Variants in TPO observed in about 807,000 individuals in gnomAD.
TPO encodes thyroid peroxidase.
TPO carries 78 observed loss-of-function variants against 96.9 expected under a neutral mutation model. That is an observed-to-expected ratio of 0.81 (90% CI 0.67 to 0.97). The LOEUF is 0.97. Ranked by LOEUF, TPO falls within the 50% of genes least tolerant of loss-of-function variation. The pLI, the probability that TPO is intolerant of heterozygous loss-of-function variation, is 0.00. For missense variants in TPO, 1,252 were observed against 1,274.8 expected, an observed-to-expected ratio of 0.98 and a Z score of 0.27; for synonymous variants, 547 against 538.0, an observed-to-expected ratio of 1.02 and a Z score of -0.23.
intron 1 of TPO, among the ~76,000 whole-genome samples, chr2:1,377,731 G>A (rs1189253661): frequency 1.3e-5 from 2 of 152,186 alleles, no homozygotes; most frequent in Non-Finnish European, 2.9e-5. Context: ...ATGCAGGCCA[G>A]CGGCTGGCAG....
intron 3 of TPO, among the ~76,000 whole-genome samples, chr2:1,427,905 C>T (rs1033565027): frequency 5.3e-5 from 8 of 152,198 alleles, no homozygotes; most frequent in East Asian, 1.9e-4. Flanking sequence ...TTACTGTTCA[C>T]GGTGAAACAC....
intron 13 of TPO, among the ~76,000 whole-genome samples, chr2:1,502,307 T>C (rs867958335): frequency 1.3e-5 from 2 of 152,144 alleles, no homozygotes; most frequent in African/African-American, 2.4e-5. Context: ...TGAAACACTT[T>C]AATAGCTGCT....
At chr2:1,488,692 T>C (rs1324375134) in intron 10 of TPO, among the ~76,000 whole-genome samples, 1 of 152,194 alleles carries the variant, frequency 6.6e-6, no homozygotes, top group Non-Finnish European at 1.5e-5. Context: ...TCTCTCCACG[T>C]ACCCTGGGAG....
chr2:1,499,106 A>G (rs562144203), intron 13 of TPO, among the ~76,000 whole-genome samples: 2 of 152,304 alleles, frequency 1.3e-5, no homozygotes, highest in East Asian at 1.9e-4. Context: ...ACTCACAGGC[A>G]TCTTCAAGGT....
Position 1,438,815 on chromosome 2 carries a change from G to C in TPO, c.482+2431G>C, listed in dbSNP as rs760312961. The C allele has an allele frequency of 1.1e-4, 74 of 698,852 alleles. 1 individual carries two copies. The African/African-American group carries it at 1.2e-3, about 11-fold the overall frequency. The allele number at this position is 698,852 out of a possible 1,614,324, so 43.3% of individuals were successfully genotyped here. On this transcript the variant is annotated intron_variant, in intron 5 of 16. Transcript: ENST00000329066. ...TTTTTTTGCAAATGCCTGGATTAAAGAAAAATGAAATATAAGCCCGACCAT... is the reference window on the plus strand; with the variant it reads ...TTTTTTTGCAAATGCCTGGATTAAACAAAAATGAAATATAAGCCCGACCAT...
At chr2:1,450,993 A>C (rs1667257930) in intron 5 of TPO, among the ~76,000 whole-genome samples, 1 of 152,220 alleles carries the variant, frequency 6.6e-6, no homozygotes. Flanking sequence ...TTAATGAAGT[A>C]TTAATAACAG....
At chr2:1,395,969 T>TC (rs1185980410) in intron 1 of TPO, among the ~76,000 whole-genome samples, 1 of 152,234 alleles carries the variant, frequency 6.6e-6, no homozygotes, top group Non-Finnish European at 1.5e-5. Context: ...TTACCCAGTC[T>TC]GGGATATGTC....
chr2:1,476,227 C>T lies in TPO; in HGVS notation c.820-859C>T, dbSNP rs146997084. Among the ~76,000 whole-genome samples the T allele has an allele frequency of 1.6e-3, 239 of 152,286 alleles. 1 individual carries two copies. Among genetic ancestry groups the T allele is most frequent in the Non-Finnish European group, 2.6e-3 (179 of 68,022 alleles). ...GTCTCTTTCGGAATCTGTCCAACCC[C>T]GGTGATCTTGTGATTCTGGATGAGC... On this transcript the variant is annotated intron_variant, in intron 7 of 16. Transcript: ENST00000329066.
At chr2:1,440,183 C>A (rs529454278) in intron 5 of TPO, among the ~76,000 whole-genome samples, 2 of 148,714 alleles carry the variant, frequency 1.3e-5, no homozygotes, top group African/African-American at 2.6e-5. Context: ...GCGTTTCCAC[C>A]GTGCTGCATT....
Position 1,524,605 on chromosome 2 carries a change from C to T in TPO, c.2618+7623C>T, listed in dbSNP as rs75975339. Among the ~76,000 whole-genome samples, 51 of 101,582 alleles carry T rather than the reference C, an allele frequency of 5.0e-4. 3 individuals are homozygous for T. Among genetic ancestry groups the T allele is most frequent in the East Asian group, 3.5e-3 (13 of 3,666 alleles). 66.6% of individuals were successfully genotyped at this position (101,582 alleles called of 152,430 possible). ...CTACTGTGTGTAACCTCCTCAAATC[C>T]GCTCACTGTGTGCAACCTCCTCAAA... On this transcript the variant is annotated intron_variant, in intron 15 of 16. Transcript: ENST00000329066.
intron 14 of TPO, among the ~76,000 whole-genome samples, chr2:1,507,838 A>G (rs1673643303): frequency 6.6e-6 from 1 of 152,142 alleles, no homozygotes; most frequent in Non-Finnish European, 1.5e-5. Context: ...AAACAGGGAC[A>G]ATTTGACTTC....
intron 7 of TPO, among the ~76,000 whole-genome samples, chr2:1,469,697 C>T (rs183710548): frequency 2.4e-4 from 36 of 152,246 alleles, no homozygotes; most frequent in African/African-American, 2.6e-4. Flanking sequence ...GACTCAGCTC[C>T]GGGTAAAGTC....
chr2:1,431,875 G>GAGCCCTC (rs1248604745), intron 3 of TPO, among the ~76,000 whole-genome samples: 3 of 152,234 alleles, frequency 2.0e-5, no homozygotes, highest in Non-Finnish European at 2.9e-5. Flanking sequence ...TCTGAGCCCT[G>GAGCCCTC]AGCCTCATGT....
intron 15 of TPO, among the ~76,000 whole-genome samples, chr2:1,537,038 A>C (rs1464598521): frequency 1.3e-3 from 41 of 31,896 alleles, no homozygotes; most frequent in African/African-American, 2.5e-3. Context: ...AAATACCCCC[A>C]CTGTGTGCAA....
intron 5 of TPO, among the ~76,000 whole-genome samples, chr2:1,445,846 G>A (rs1226849876): frequency 6.9e-6 from 1 of 144,448 alleles, no homozygotes; most frequent in Non-Finnish European, 1.5e-5. Flanking sequence ...GCTCCTTCCT[G>A]TTTGTATGAT....
chr2:1,493,183 T>G (rs573490896), intron 10 of TPO, among the ~76,000 whole-genome samples: 1 of 108,120 alleles, frequency 9.2e-6, no homozygotes. Flanking sequence ...CAGATAAAGA[T>G]ATTTGTGTGT....
intron 14 of TPO, among the ~76,000 whole-genome samples, chr2:1,516,302 A>G (rs1368398333): frequency 6.6e-6 from 1 of 152,044 alleles, no homozygotes; most frequent in African/African-American, 2.4e-5. Flanking sequence ...GGCTGATGAG[A>G]CCCAGGATGA....
chr2:1,543,098 A>ACTC lies in TPO; in HGVS notation c.*630_*632dup, dbSNP rs1220982111. ...AGCCGCCCTGCCGCACACTGCTCTTACTCCTCCTTATACCCTCACTCACGG... is the reference window on the plus strand; with the variant it reads ...AGCCGCCCTGCCGCACACTGCTCTTACTCCTCCTCCTTATACCCTCACTCACGG... On this transcript the variant is annotated 3_prime_UTR_variant, in exon 17 of 17. Coordinates refer to ENST00000329066, the MANE Select transcript of TPO (RefSeq NM_001206744.2). 6.1e-6 allele frequency: 1 copy of ACTC among 165,230 alleles called. No homozygotes were observed. Among genetic ancestry groups the ACTC allele is most frequent in the Non-Finnish European group, 1.3e-5 (1 of 76,406 alleles). 10.2% of individuals were successfully genotyped at this position (165,230 alleles called of 1,614,324 possible).
intron 1 of TPO, among the ~76,000 whole-genome samples, chr2:1,406,854 G>T (rs1399641424): frequency 6.6e-6 from 1 of 152,214 alleles, no homozygotes; most frequent in Admixed American, 6.5e-5. Context: ...TTTCTCAAAG[G>T]AAGGAAGTAC....
Sources: gnomAD v4.1 joint callset for allele counts (sites outside exome capture counted in the v4.1 genomes callset) on GRCh38, gnomAD v4.1.1 for gene constraint, MANE v1.5 for transcripts, NCBI Gene and HGNC (gene_info 2026-07-23, HGNC 2026-07-21) for gene names.